Variants in NAIP observed in about 807,000 individuals in gnomAD.
The protein encoded by NAIP is NLR family apoptosis inhibitory protein, also known as baculoviral IAP repeat-containing protein 1.
Under a neutral mutation model 23.0 loss-of-function variants are expected in NAIP, and 15 were observed. That is an observed-to-expected ratio of 0.65 (90% CI 0.44 to 1.00). The LOEUF is 1.00. NAIP is among the 50% of genes least tolerant of loss of function. The pLI, the probability that NAIP is intolerant of heterozygous loss-of-function variation, is 0.00. For synonymous variants in NAIP, 100 were observed against 100.2 expected, an observed-to-expected ratio of 1.00 and a Z score of 0.01; for missense variants, 265 against 278.8, an observed-to-expected ratio of 0.95 and a Z score of 0.35.
intron 3 of NAIP, among the ~76,000 whole-genome samples, chr5:71,017,502 T>C (rs1247097868): frequency 8.6e-6 from 1 of 115,892 alleles, no homozygotes; most frequent in African/African-American, 2.7e-5. Context: ...TTTGGGAGGC[T>C]AAGGTGGGAG....
chr5:71,008,331 A>C (rs1750972508), intron 5 of NAIP, among the ~76,000 whole-genome samples: 1 of 107,002 alleles, frequency 9.3e-6, no homozygotes, highest in Non-Finnish European at 1.9e-5. Flanking sequence ...TAGCCTCCCA[A>C]AGTGCTGGGA....
intron 4 of NAIP, among the ~76,000 whole-genome samples, chr5:71,012,139 T>A (rs144745737): frequency 6.6e-6 from 1 of 151,640 alleles, no homozygotes; most frequent in Non-Finnish European, 1.5e-5. Context: ...ATTTTATATA[T>A]ATTTGACAAA....
In NAIP at chr5:71,012,679, C is replaced by T; in HGVS notation, c.237G>A (p.Gln79=). The change falls in exon 4 of 17, where the codon CAG becomes CAA. Residue 79 remains glutamine (Q), a synonymous_variant. Coordinates refer to ENST00000517649, the MANE Select transcript of NAIP (RefSeq NM_004536.3). ...TYEPYSSWIP[Q]EMAAAGFYFT... ...AGTAAAACCCAGCGGCCGCCATCTC[C>T]TGTGGTATCCATGAGCTGTACGGCT... 2.5e-6 allele frequency: 4 copies of T among 1,611,904 alleles called. No homozygotes were observed. The highest frequency in any genetic ancestry group is 3.4e-6 in the Non-Finnish European group (4 of 1,178,474).
chr5:70,978,149 ATT>A (rs71223138), intron 13 of NAIP, among the ~76,000 whole-genome samples: 281 of 24,258 alleles, frequency 0.012, 4 homozygotes, highest in African/African-American at 0.016. Context: ...ATATATATAT[ATT>A]TTTTTTTTTT....
intron 13 of NAIP, among the ~76,000 whole-genome samples, chr5:70,978,526 GTTTACT>G (rs1750415145): frequency 8.4e-6 from 1 of 119,364 alleles, no homozygotes; most frequent in South Asian, 2.9e-4. Context: ...AGTGTTCAGT[GTTTACT>G]AAGTTAAGGA....
chr5:71,011,304 A>C lies in NAIP; in HGVS notation c.639T>G (p.Pro213=), dbSNP rs763648036. ...GGAACCATTTGGCATGTTCCTTCCA[A>C]GGATCATCTCCTTCTTCCCAATTTC... The part of the protein sequence containing the change: ...CLGNWEEGDD[P]WKEHAKWFPK... Residue 213 remains proline, a synonymous_variant, in exon 5 of 17, where the codon CCT becomes CCG. Transcript: ENST00000517649. 6.2e-7 allele frequency: 1 copy of C among 1,605,436 alleles called. No homozygotes were observed. Among genetic ancestry groups the C allele is most frequent in the Admixed American group, 1.7e-5 (1 of 58,986 alleles).
chr5:71,012,989 T>C (rs1751240128), intron 3 of NAIP, 71 bp from the exon 4 acceptor site: 1 of 1,323,784 alleles, frequency 7.6e-7, no homozygotes, highest in African/African-American at 1.5e-5. Context: ...TCCCACTGTT[T>C]CCGAAGAAAC....
At chr5:70,996,781 A>C (rs979778008) in intron 9 of NAIP, among the ~76,000 whole-genome samples, 2 of 133,310 alleles carry the variant, frequency 1.5e-5, no homozygotes, top group African/African-American at 2.8e-5. Flanking sequence ...CGACAAAGTG[A>C]GACTCCATCT....
At chr5:71,010,146 C>G (rs1400166288) in intron 5 of NAIP, among the ~76,000 whole-genome samples, 1 of 151,586 alleles carries the variant, frequency 6.6e-6, no homozygotes, top group Non-Finnish European at 1.5e-5. Context: ...CTCACTCTGT[C>G]ACCCAGGCTG....
chr5:71,013,205 T>TGGA (rs1435452196), intron 3 of NAIP, among the ~76,000 whole-genome samples: 1 of 151,554 alleles, frequency 6.6e-6, no homozygotes, highest in African/African-American at 2.4e-5. Context: ...ATATCAGTTA[T>TGGA]GGACACAATG....
intron 3 of NAIP, among the ~76,000 whole-genome samples, chr5:71,013,410 A>G (rs894560268): frequency 6.6e-6 from 1 of 151,152 alleles, no homozygotes; most frequent in African/African-American, 2.4e-5. Flanking sequence ...AGGCCGAGGC[A>G]GGTGGATCAC....
At chr5:71,011,616 G>A in intron 4 of NAIP, 1 of 541,044 alleles carries the variant, frequency 1.8e-6, no homozygotes, top group Non-Finnish European at 3.3e-6. Flanking sequence ...GCCCCCCAGA[G>A]CTGGTATGTT....
intron 13 of NAIP, among the ~76,000 whole-genome samples, chr5:70,977,681 A>AG (rs1561509504): frequency 4.7e-5 from 7 of 148,524 alleles, no homozygotes; most frequent in Admixed American, 2.7e-4. Context: ...AAAAAAAAAA[A>AG]AAAAAAAAAA....
intron 3 of NAIP, 57 bp from the exon 4 acceptor site, chr5:71,012,975 C>A (rs1303032270): frequency 1.4e-6 from 2 of 1,386,128 alleles, no homozygotes; most frequent in Admixed American, 2.5e-5. Context: ...CTTAGAAGAG[C>A]ATTTCCCACT....
intron 9 of NAIP, among the ~76,000 whole-genome samples, chr5:70,996,273 CAAAAAA>C (rs1315910155): frequency 7.8e-3 from 30 of 3,856 alleles, no homozygotes; most frequent in Non-Finnish European, 0.023. Context: ...GACTCCGTCT[CAAAAAA>C]AAAAGAAAAA....
rs1176887822 is a variant in NAIP at position 71,012,394 on chromosome 5, T to G, written c.522A>C (p.Gln174His). The G allele has an allele frequency of 6.2e-7, 1 of 1,611,612 alleles. No individual in the cohort carries two copies. Among genetic ancestry groups the G allele is most frequent in the African/African-American group, 1.3e-5 (1 of 74,738 alleles). The change falls in exon 4 of 17, where the codon CAA becomes CAC. Residue 174 changes from glutamine (Q) to histidine (H), a missense_variant. By Grantham distance (24) the Gln-to-His change is conservative. Around this residue, in one of 2 missense-constraint regions of NAIP, gnomAD observed 261 missense variants for 259.2 expected, o/e 1.01. Coordinates refer to ENST00000517649, the MANE Select transcript of NAIP (RefSeq NM_004536.3). ...CTGAGAGCACACAAGGGGATATCCC[T>G]TGGACATAAAATGGCCAGTTCCTGA... ...ASFRNWPFYV[Q>H]GISPCVLSEA...
chr5:70,996,917 T>TAGTC (rs1336180528), intron 9 of NAIP, among the ~76,000 whole-genome samples: 1 of 70,140 alleles, frequency 1.4e-5, no homozygotes, highest in Non-Finnish European at 3.0e-5. Flanking sequence ...TTAGAGGAAA[T>TAGTC]AGTCAGAACA....
In NAIP at chr5:71,012,298, C is replaced by G. The variant is rs368264672; in HGVS notation, c.568+50G>C. 1.0e-5 allele frequency: 15 copies of G among 1,491,326 alleles called. 1 individual carries two copies. Among genetic ancestry groups the G allele is most frequent in the Non-Finnish European group, 1.4e-5 (15 of 1,105,506 alleles). The allele number at this position is 1,491,326 out of a possible 1,614,324, so 92.4% of individuals were successfully genotyped here. ...TTGCAAAAGCAATTGAAAAATAAAA[C>G]CTAAACTTAAAACGCCAGAGAAACA... On this transcript the variant is annotated intron_variant, in intron 4 of 16. Coordinates refer to ENST00000517649, the MANE Select transcript of NAIP (RefSeq NM_004536.3).
chr5:71,012,727 C>A lies in NAIP; in HGVS notation c.189G>T (p.Arg63Ser), dbSNP rs115486998. ...YNSQMRSEAKRLKTFVTYEPY... is the reference protein window; with the variant it reads ...YNSQMRSEAKSLKTFVTYEPY... The stretch of plus-strand genomic sequence containing the variant: ...GCTCATAAGTCACAAAAGTCTTTAA[C>A]CTTTTTGCTTCACTGCGCATTTGAG... The change falls in exon 4 of 17, where the codon AGG (arginine) becomes AGT (serine). Residue 63 changes from arginine to serine, a missense_variant. This residue lies in a region of NAIP where 261 missense variants were observed against 259.2 expected (regional missense o/e 1.01). Coordinates refer to ENST00000517649, the MANE Select transcript of NAIP (RefSeq NM_004536.3). The A allele has an allele frequency of 5.1e-3, 8,280 of 1,611,724 alleles. 296 individuals are homozygous for A. Among genetic ancestry groups the A allele is most frequent in the Non-Finnish European group, 6.4e-3 (7,515 of 1,178,370 alleles).
Sources: allele counts gnomAD v4.1 joint callset (sites outside exome capture counted in the v4.1 genomes callset), GRCh38; gene constraint gnomAD v4.1.1; regional missense constraint gnomAD v4.1.1; transcripts MANE v1.5; gene names NCBI Gene and HGNC (gene_info 2026-07-23, HGNC 2026-07-21).